Variants in TBC1D12 observed in about 807,000 individuals in gnomAD.
TBC1D12 encodes TBC1 domain family, member 12.
In TBC1D12, 56 loss-of-function variants were observed where a neutral mutation model predicts 86.7. That is an observed-to-expected ratio of 0.65 (90% CI 0.52 to 0.81). The LOEUF (loss-of-function observed/expected upper bound fraction) is 0.81. Among genes scored for constraint, TBC1D12 ranks in the 30% least tolerant of loss-of-function variants. TBC1D12 has a pLI of 0.00. For missense variants in TBC1D12, 1,023 were observed against 1,038.8 expected, an observed-to-expected ratio of 0.98 and a Z score of 0.21; for synonymous variants, 421 against 411.7, an observed-to-expected ratio of 1.02 and a Z score of -0.27.
intron 2 of TBC1D12, among the ~76,000 whole-genome samples, chr10:94,468,580 C>A (rs1164639302): frequency 6.6e-6 from 1 of 152,062 alleles, no homozygotes; most frequent in East Asian, 1.9e-4. Flanking sequence ...TCAGTCTTTT[C>A]AATATAAGTG....
chr10:94,509,486 G>A (rs968359245), intron 7 of TBC1D12: 1 of 152,340 alleles, frequency 6.6e-6, no homozygotes, highest in Non-Finnish European at 1.5e-5. Flanking sequence ...TGCATTTCTA[G>A]CCCAGCCTTC....
intron 12 of TBC1D12, 40 bp downstream of exon 12, chr10:94,531,500 G>T (rs765548730): frequency 6.5e-7 from 1 of 1,526,802 alleles, no homozygotes. Context: ...ATGTGTTAAA[G>T]CAGTTGACTT....
intron 7 of TBC1D12, chr10:94,509,854 C>T: frequency 4.7e-6 from 2 of 423,786 alleles, no homozygotes; most frequent in Non-Finnish European, 8.3e-6. Context: ...CCCATATCTT[C>T]TGTAAAAACT....
chr10:94,481,547 C>T (rs971434589), intron 3 of TBC1D12, among the ~76,000 whole-genome samples: 6 of 152,258 alleles, frequency 3.9e-5, no homozygotes, highest in Non-Finnish European at 8.8e-5. Flanking sequence ...CTTCACTTCT[C>T]ACCCTTCATA....
chr10:94,411,817 G>T (rs1370468605), intron 1 of TBC1D12, among the ~76,000 whole-genome samples: 2 of 152,134 alleles, frequency 1.3e-5, no homozygotes, highest in East Asian at 3.9e-4. Flanking sequence ...AACTAGCTGG[G>T]CATGGTTGTG....
chr10:94,425,173 C>T (rs1035085549), intron 1 of TBC1D12, among the ~76,000 whole-genome samples: 1 of 152,074 alleles, frequency 6.6e-6, no homozygotes, highest in African/African-American at 2.4e-5. Flanking sequence ...AGTTCATTTC[C>T]GGGGTTAGTA....
At chr10:94,506,565 G>A (rs1433101137) in intron 6 of TBC1D12, among the ~76,000 whole-genome samples, 10 of 152,108 alleles carry the variant, frequency 6.6e-5, no homozygotes, top group Admixed American at 6.6e-4. Flanking sequence ...AAAAATTTGG[G>A]AATTGAGAAA....
intron 2 of TBC1D12, among the ~76,000 whole-genome samples, chr10:94,457,168 A>G (rs1329831542): frequency 6.6e-6 from 1 of 152,206 alleles, no homozygotes; most frequent in Admixed American, 6.5e-5. Flanking sequence ...TGCATGTGCC[A>G]TGGTTGTTTG....
chr10:94,510,015 G>T (rs1427291118), intron 7 of TBC1D12, 76 bp from the exon 8 acceptor site: 17 of 975,356 alleles, frequency 1.7e-5, no homozygotes. Context: ...CATGCTGTGT[G>T]ATCATTCTGT....
intron 1 of TBC1D12, among the ~76,000 whole-genome samples, chr10:94,432,914 C>T (rs1167507923): frequency 5.3e-5 from 8 of 151,898 alleles, no homozygotes; most frequent in Non-Finnish European, 2.9e-5. Context: ...CCAAAATATC[C>T]TTATAAGTAG....
At chr10:94,525,499 G>T (rs1031276550) in intron 11 of TBC1D12, among the ~76,000 whole-genome samples, 5 of 151,674 alleles carry the variant, frequency 3.3e-5, no homozygotes, top group African/African-American at 9.7e-5. Context: ...AGCCACTCGG[G>T]AGGCTGAGGC....
intron 2 of TBC1D12, among the ~76,000 whole-genome samples, chr10:94,454,556 T>C (rs1174926340): frequency 6.6e-6 from 1 of 152,238 alleles, no homozygotes; most frequent in African/African-American, 2.4e-5. Flanking sequence ...TTTGTTTTGT[T>C]CTTCTTTGTT....
intron 2 of TBC1D12, among the ~76,000 whole-genome samples, chr10:94,445,118 T>G (rs997258864): frequency 6.7e-6 from 1 of 149,484 alleles, no homozygotes; most frequent in African/African-American, 2.5e-5. Context: ...CCCAGCACTT[T>G]GGGAGGCTGT....
chr10:94,441,487 CATCTT>C (rs1287134358), intron 1 of TBC1D12, among the ~76,000 whole-genome samples: 3 of 152,026 alleles, frequency 2.0e-5, no homozygotes, highest in Non-Finnish European at 4.4e-5. Context: ...CAAATGTTTG[CATCTT>C]ATTTATGGCT....
intron 2 of TBC1D12, among the ~76,000 whole-genome samples, chr10:94,448,964 T>G (rs2055510570): frequency 6.6e-6 from 1 of 152,170 alleles, no homozygotes; most frequent in Admixed American, 6.6e-5. Context: ...ATAATTTGTG[T>G]GGTCTAAAGA....
intron 4 of TBC1D12, 23 bp downstream of exon 4, chr10:94,493,470 G>T (rs1458553049): frequency 6.5e-7 from 1 of 1,543,576 alleles, no homozygotes; most frequent in South Asian, 1.2e-5. Context: ...ACTCCAAATG[G>T]TATAATTTTC....
At chr10:94,436,429 C>T (rs369429223) in intron 1 of TBC1D12, among the ~76,000 whole-genome samples, 10 of 152,080 alleles carry the variant, frequency 6.6e-5, no homozygotes, top group East Asian at 5.8e-4. Flanking sequence ...CCACTGTGCC[C>T]GCCCAGGTCC....
chr10:94,480,889 A>C (rs917329289), intron 3 of TBC1D12, among the ~76,000 whole-genome samples: 1 of 151,558 alleles, frequency 6.6e-6, no homozygotes, highest in South Asian at 2.1e-4. Flanking sequence ...AAAAAAAAAA[A>C]GACTTGAAAG....
At chr10:94,442,046 T>A (rs2055389993) in intron 2 of TBC1D12, 27 bp downstream of exon 2, 1 of 1,564,698 alleles carries the variant, frequency 6.4e-7, no homozygotes, top group Non-Finnish European at 8.6e-7. Context: ...CCATGTAGTT[T>A]ACCCTAGCTT....
Sources: gnomAD v4.1 joint callset for allele counts (sites outside exome capture counted in the v4.1 genomes callset) on GRCh38, gnomAD v4.1.1 for gene constraint, MANE v1.5 for transcripts, NCBI Gene and HGNC (gene_info 2026-07-23, HGNC 2026-07-21) for gene names.